The following SLCO3A1 variants were observed in gnomAD, a reference collection of about 807,000 sequenced individuals.
SLCO3A1 encodes solute carrier organic anion transporter family member 3A1, also known as PGE1 transporter.
SLCO3A1 carries 27 observed loss-of-function variants against 63.1 expected under a neutral mutation model. That is an observed-to-expected ratio of 0.43 (90% confidence interval 0.32 to 0.59). SLCO3A1 has a LOEUF of 0.59. Among genes scored for constraint, SLCO3A1 ranks in the 20% least tolerant of loss-of-function variants. The probability of loss-of-function intolerance (pLI) is 0.09; values close to 1 mark genes in which losing one functional copy is unlikely to be tolerated. For missense variants in SLCO3A1, 773 were observed against 945.8 expected (o/e 0.82, Z 2.40); for synonymous variants, 473 against 409.9 (o/e 1.15, Z -1.86).
At chr15:92,167,059 G>GAGTT (rs2048497470), downstream of SLCO3A1, among the ~76,000 whole-genome samples, 1 of 152,372 alleles carries the variant, frequency 6.6e-6, no homozygotes, top group Admixed American at 6.5e-5. Context: ...CAGTTGGACG[G>GAGTT]AGTTACGCTA....
chr15:91,924,012 T>C (rs1327674381), intron 2 of SLCO3A1, among the ~76,000 whole-genome samples: 2 of 152,232 alleles, frequency 1.3e-5, no homozygotes, highest in Non-Finnish European at 2.9e-5. Flanking sequence ...AGATTCAGTG[T>C]GAGCTGAAAG....
chr15:91,922,843 G>C (rs1392906433), intron 2 of SLCO3A1, among the ~76,000 whole-genome samples: 1 of 152,196 alleles, frequency 6.6e-6, no homozygotes, highest in East Asian at 1.9e-4. Flanking sequence ...CTCCCCAGCT[G>C]CTGGTCGCAT....
Position 91,886,748 on chromosome 15 carries a change from C to G in SLCO3A1, c.181-29245C>G, listed in dbSNP as rs1343036157. ...AACTCCAGACAATAATTCAGGGGTA[C>G]GATGTGATGGCCCTCTGTTGATTCT... is the stretch of plus-strand genomic sequence containing the variant. On this transcript the variant is annotated intron_variant, in intron 1 of 9. Coordinates refer to ENST00000318445, the MANE Select transcript of SLCO3A1 (RefSeq NM_013272.4). This position sits in a 1 kb window ranked among gnomAD's most constrained non-coding sequence, Gnocchi z 4.9. Among the ~76,000 whole-genome samples the G allele has an allele frequency of 6.6e-6, 1 of 152,126 alleles. No individual in the cohort carries two copies. The highest frequency in any genetic ancestry group is 1.5e-5 in the Non-Finnish European group (1 of 68,026).
intron 7 of SLCO3A1, among the ~76,000 whole-genome samples, chr15:92,144,923 A>G (rs1596142843): frequency 6.6e-6 from 1 of 152,308 alleles, no homozygotes; most frequent in East Asian, 1.9e-4. Flanking sequence ...AGATGGTAAA[A>G]TGAAGGAAGG....
chr15:92,034,370 C>T (rs143180394), intron 2 of SLCO3A1, among the ~76,000 whole-genome samples: 1,234 of 112,508 alleles, frequency 0.011, 44 homozygotes, highest in Non-Finnish European at 0.014. Flanking sequence ...TGTTTGGATG[C>T]GCTATGCTGG....
In SLCO3A1 at chr15:91,885,596, A is replaced by G. The variant is rs555272911; in HGVS notation, c.181-30397A>G. On this transcript the variant is annotated intron_variant, in intron 1 of 9. Coordinates refer to ENST00000318445, the MANE Select transcript of SLCO3A1 (RefSeq NM_013272.4). The surrounding 1 kb of genome is among the most constrained non-coding windows in gnomAD (Gnocchi z 4.7). ...AATTGGCCCTTGGTTGGTTTGTAGC[A>G]TTTATACAATATCAACCCTTAAACT... is the stretch of plus-strand genomic sequence containing the variant. Among the ~76,000 whole-genome samples the G allele has an allele frequency of 6.6e-6, 1 of 152,238 alleles. No individual in the cohort carries two copies. Among genetic ancestry groups the G allele is most frequent in the East Asian group, 1.9e-4 (1 of 5,178 alleles).
chr15:91,975,521 G>A (rs1901069548), intron 2 of SLCO3A1, among the ~76,000 whole-genome samples: 1 of 152,250 alleles, frequency 6.6e-6, no homozygotes, highest in Admixed American at 6.5e-5. Flanking sequence ...CCCTGCTTAT[G>A]AAGCAGCTGT....
chr15:91,912,359 G>A lies in SLCO3A1; in HGVS notation c.181-3634G>A, dbSNP rs548307135. On this transcript the variant is annotated intron_variant, in intron 1 of 9. Coordinates refer to ENST00000318445, the MANE Select transcript of SLCO3A1 (RefSeq NM_013272.4). This position sits in a 1 kb window ranked among gnomAD's most constrained non-coding sequence, Gnocchi z 5.0. ...AATCTTTGCATGACTTCCCAGACTG[G>A]CATTGCAGCCCAGCAGAAGGCCACA... 1.3e-5 allele frequency among the ~76,000 whole-genome samples: 2 copies of A among 152,282 alleles called. No homozygotes were observed. The highest frequency in any genetic ancestry group is 2.4e-5 in the African/African-American group (1 of 41,580).
At chr15:92,092,278 A>G (rs112416030) in intron 2 of SLCO3A1, among the ~76,000 whole-genome samples, 2 of 152,058 alleles carry the variant, frequency 1.3e-5, no homozygotes, top group Admixed American at 1.3e-4. Context: ...TATTAATAAT[A>G]ATTCTCATTA....
chr15:92,018,831 T>C (rs192913914), intron 2 of SLCO3A1, among the ~76,000 whole-genome samples: 1 of 152,264 alleles, frequency 6.6e-6, no homozygotes. Context: ...TCTAAGAGCC[T>C]GGCCACTGAG....
At chr15:91,867,917 C>T (rs1362546310) in intron 1 of SLCO3A1, among the ~76,000 whole-genome samples, 1 of 152,242 alleles carries the variant, frequency 6.6e-6, no homozygotes, top group African/African-American at 2.4e-5. Context: ...TGCGCTGTTG[C>T]TCCAAGCCTG....
intron 9 of SLCO3A1, among the ~76,000 whole-genome samples, chr15:92,154,764 G>T (rs530249490): frequency 1.2e-4 from 18 of 152,304 alleles, no homozygotes; most frequent in Admixed American, 6.5e-4. Context: ...GCACCCTGGA[G>T]TAGAAGCAGG....
chr15:91,902,419 C>G (rs1160865911), intron 1 of SLCO3A1, among the ~76,000 whole-genome samples: 1 of 151,912 alleles, frequency 6.6e-6, no homozygotes, highest in East Asian at 2.0e-4. Flanking sequence ...TCCCTGTCTT[C>G]CGTTTAAAAT....
intron 4 of SLCO3A1, among the ~76,000 whole-genome samples, chr15:92,111,418 A>G (rs1053776110): frequency 1.3e-5 from 2 of 152,146 alleles, no homozygotes; most frequent in East Asian, 1.9e-4. Context: ...TGTCCTCAGA[A>G]CCATGTTCTT....
intron 2 of SLCO3A1, among the ~76,000 whole-genome samples, chr15:91,952,400 G>C (rs947454699): frequency 1.3e-5 from 2 of 152,254 alleles, no homozygotes; most frequent in Non-Finnish European, 1.5e-5. Flanking sequence ...CTCTACCAAA[G>C]AACAGTTGTA....
intron 2 of SLCO3A1, among the ~76,000 whole-genome samples, chr15:91,999,923 C>T (rs1290893154): frequency 6.6e-6 from 1 of 152,162 alleles, no homozygotes; most frequent in Non-Finnish European, 1.5e-5. Flanking sequence ...TTCACTGGGG[C>T]ATTGTTTGTC....
At chr15:92,155,829 C>G (rs911767918) in intron 9 of SLCO3A1, among the ~76,000 whole-genome samples, 1 of 152,108 alleles carries the variant, frequency 6.6e-6, no homozygotes, top group Non-Finnish European at 1.5e-5. Context: ...TATGGAGAAG[C>G]CTTTAATAGA....
chr15:92,008,564 C>G (rs1282765956), intron 2 of SLCO3A1, among the ~76,000 whole-genome samples: 2 of 152,174 alleles, frequency 1.3e-5, no homozygotes, highest in Non-Finnish European at 2.9e-5. Flanking sequence ...AACTGGCATA[C>G]TACAATCATC....
At chr15:91,857,964 G>C (rs908510064) in intron 1 of SLCO3A1, among the ~76,000 whole-genome samples, 13 of 152,158 alleles carry the variant, frequency 8.5e-5, no homozygotes, top group Non-Finnish European at 1.0e-4. Context: ...TAAGTTTGAG[G>C]TTGTGGTGAC....
Sources: allele counts gnomAD v4.1 joint callset (sites outside exome capture counted in the v4.1 genomes callset), GRCh38; gene constraint gnomAD v4.1.1; non-coding constraint Gnocchi (gnomAD v3.1); transcripts MANE v1.5; gene names NCBI Gene and HGNC (gene_info 2026-07-23, HGNC 2026-07-21).